The following EYA3 variants were observed in gnomAD, a reference collection of about 807,000 sequenced individuals.
EYA3 encodes protein phosphatase EYA3.
Under a neutral mutation model 80.0 loss-of-function variants are expected in EYA3, and 39 were observed. The observed-to-expected ratio is 0.49, with a 90% confidence interval of 0.38 to 0.64. The LOEUF (loss-of-function observed/expected upper bound fraction) is 0.64. Ranked by LOEUF, EYA3 falls within the 30% of genes least tolerant of loss-of-function variation. The probability of loss-of-function intolerance (pLI) is 0.00; values close to 1 mark genes in which losing one functional copy is unlikely to be tolerated. For synonymous variants in EYA3, 206 were observed against 232.8 expected (o/e 0.88, Z 1.05); for missense variants, 523 against 676.1 (o/e 0.77, Z 2.51).
intron 2 of EYA3, among the ~76,000 whole-genome samples, chr1:28,051,084 T>C (rs1054002444): frequency 1.3e-5 from 2 of 152,140 alleles, no homozygotes; most frequent in African/African-American, 2.4e-5. Context: ...ATCCAAGGAA[T>C]TGGGGCCATA....
At position 28,009,775 on chromosome 1, in the gene EYA3, T is replaced by A. The variant is rs936425014; in HGVS notation, c.909+1172A>T. Reference sequence around the variant, plus strand: ...AAGAAGTCAAAGACAGAAAGTAGAATAGAGGTTACCAGAGGTTAGAAGAAG... The same window carrying A: ...AAGAAGTCAAAGACAGAAAGTAGAAAAGAGGTTACCAGAGGTTAGAAGAAG... On this transcript the variant is annotated intron_variant, in intron 10 of 17. Transcript: ENST00000373871. The surrounding 1 kb of genome is among the most constrained non-coding windows in gnomAD (Gnocchi z 4.8). Among the ~76,000 whole-genome samples the A allele has an allele frequency of 1.3e-5, 2 of 152,156 alleles. No homozygotes were observed. The highest frequency in any genetic ancestry group is 4.8e-5 in the African/African-American group (2 of 41,438).
intron 2 of EYA3, among the ~76,000 whole-genome samples, chr1:28,053,681 T>C (rs1240305268): frequency 6.6e-6 from 1 of 152,230 alleles, no homozygotes; most frequent in Non-Finnish European, 1.5e-5. Flanking sequence ...TGTGCACTGT[T>C]AACATAATAT....
intron 16 of EYA3, among the ~76,000 whole-genome samples, chr1:27,984,194 A>G (rs1639497457): frequency 6.6e-6 from 1 of 151,524 alleles, no homozygotes; most frequent in Non-Finnish European, 1.5e-5. Flanking sequence ...TCACCACCAC[A>G]CCCGGCTAAT....
intron 10 of EYA3, among the ~76,000 whole-genome samples, chr1:28,006,136 A>T (rs982252331): frequency 2.0e-5 from 3 of 152,000 alleles, no homozygotes; most frequent in Non-Finnish European, 4.4e-5. Context: ...CATCATAACC[A>T]AGTGAGATTA....
At chr1:28,073,127 A>ATATATATATATT (rs1553157671) in intron 1 of EYA3, among the ~76,000 whole-genome samples, 2 of 14,998 alleles carry the variant, frequency 1.3e-4, no homozygotes, top group Non-Finnish European at 2.2e-4. Context: ...ATATATATAT[A>ATATATATATATT]TTTTTTTTTT....
At chr1:28,042,679 C>T (rs1299476199) in intron 3 of EYA3, 29 bp from the exon 4 acceptor site, 6 of 1,586,012 alleles carry the variant, frequency 3.8e-6, no homozygotes, top group Non-Finnish European at 5.2e-6. Flanking sequence ...ATACATTAGC[C>T]CCTGATTGAT....
chr1:28,041,973 T>C (rs1295669414), intron 4 of EYA3, among the ~76,000 whole-genome samples: 1 of 152,202 alleles, frequency 6.6e-6, no homozygotes, highest in Non-Finnish European at 1.5e-5. Context: ...ACTTTACAAA[T>C]TAGAGTGGTT....
intron 1 of EYA3, among the ~76,000 whole-genome samples, chr1:28,083,778 A>G (rs537959491): frequency 2.9e-4 from 44 of 152,338 alleles, no homozygotes; most frequent in African/African-American, 1.0e-3. Context: ...ATGTTGTCTT[A>G]CGTTTAATTC....
At chr1:28,055,148 G>T (rs1644392473) in intron 2 of EYA3, among the ~76,000 whole-genome samples, 1 of 152,164 alleles carries the variant, frequency 6.6e-6, no homozygotes, top group Non-Finnish European at 1.5e-5. Flanking sequence ...GAAAGACTAA[G>T]ATTTTTAATT....
intron 1 of EYA3, among the ~76,000 whole-genome samples, chr1:28,080,594 G>A (rs1234013076): frequency 6.6e-6 from 1 of 151,528 alleles, no homozygotes; most frequent in Non-Finnish European, 1.5e-5. Flanking sequence ...TCTGAGTACT[G>A]GATAGCAATG....
In EYA3 at chr1:28,001,788, C is replaced by T. The variant is rs1249701053; in HGVS notation, c.994-1739G>A. ...CTCTGTCACCCAGGCTGGAGTGCTG[C>T]GGCGCGATCTCGGCTCACTGCAACC... On this transcript the variant is annotated intron_variant, in intron 11 of 17. Coordinates refer to ENST00000373871, the MANE Select transcript of EYA3 (RefSeq NM_001990.4). 2.7e-5 allele frequency among the ~76,000 whole-genome samples: 4 copies of T among 146,080 alleles called. No individual in the cohort carries two copies. In the South Asian group the frequency reaches 8.7e-4, roughly 32 times the overall value.
intron 9 of EYA3, among the ~76,000 whole-genome samples, chr1:28,012,455 G>C (rs1426586406): frequency 6.6e-6 from 1 of 152,158 alleles, no homozygotes; most frequent in African/African-American, 2.4e-5. Context: ...TTCTAAACAT[G>C]CATCAGTGCC....
intron 7 of EYA3, among the ~76,000 whole-genome samples, chr1:28,024,320 T>C (rs1325219015): frequency 6.6e-6 from 1 of 151,970 alleles, no homozygotes; most frequent in Non-Finnish European, 1.5e-5. Context: ...AGATAGATTA[T>C]TGTGTGTTAC....
chr1:27,988,483 G>A (rs1639813486), intron 16 of EYA3, 52 bp downstream of exon 16: 1 of 1,599,424 alleles, frequency 6.3e-7, no homozygotes, highest in Admixed American at 1.8e-5. Context: ...TGCATCATGA[G>A]TAGAAAGTTT....
At chr1:28,015,234 A>T (rs545851443) in intron 8 of EYA3, among the ~76,000 whole-genome samples, 1 of 152,372 alleles carries the variant, frequency 6.6e-6, no homozygotes, top group African/African-American at 2.4e-5. Flanking sequence ...AGAGAAAGTA[A>T]GAACATGAAT....
At position 28,013,190 on chromosome 1, in the gene EYA3, G is replaced by T. The variant is rs768228073; in HGVS notation, c.690C>A (p.Thr230=). The T allele has an allele frequency of 1.9e-6, 3 of 1,614,120 alleles. No homozygotes were observed. The highest frequency in any genetic ancestry group is 2.5e-6 in the Non-Finnish European group (3 of 1,179,994). ...ACTGGTATGTGGTTGCTGCTAATGT[G>T]GTGCTCTCTGCATCACTGTTAGTCT... is the stretch of plus-strand genomic sequence containing the variant. ...TGQTNSDAES[T]TLAATTYQSE... The change falls in exon 9 of 18, where the codon ACC becomes ACA. Residue 230 remains threonine, a synonymous_variant. Coordinates refer to ENST00000373871, the MANE Select transcript of EYA3 (RefSeq NM_001990.4). This position sits in a 1 kb window ranked among gnomAD's most constrained non-coding sequence, Gnocchi z 4.0.
At chr1:27,995,470 C>T (rs1296251600) in intron 13 of EYA3, among the ~76,000 whole-genome samples, 2 of 149,358 alleles carry the variant, frequency 1.3e-5, no homozygotes, top group Non-Finnish European at 3.0e-5. Context: ...GGTGTAGTTG[C>T]TCACACCTGT....
At chr1:28,055,314 G>A (rs1455817990) in intron 2 of EYA3, among the ~76,000 whole-genome samples, 3 of 152,088 alleles carry the variant, frequency 2.0e-5, no homozygotes, top group Admixed American at 2.0e-4. Flanking sequence ...CCCCTCATCT[G>A]TGGATAAGAT....
chr1:28,066,194 C>G (rs1644831957), intron 1 of EYA3, among the ~76,000 whole-genome samples: 1 of 152,098 alleles, frequency 6.6e-6, no homozygotes, highest in Middle Eastern at 3.2e-3. Flanking sequence ...GACTTCATCA[C>G]ACTACTCAGA....
Sources: gnomAD v4.1 joint callset for allele counts (sites outside exome capture counted in the v4.1 genomes callset) on GRCh38, gnomAD v4.1.1 for gene constraint, Gnocchi (gnomAD v3.1) non-coding constraint, MANE v1.5 for transcripts, NCBI Gene and HGNC (gene_info 2026-07-23, HGNC 2026-07-21) for gene names.